TDRP: variants seen among roughly 807,000 people sequenced by gnomAD.
TDRP encodes the protein testis development related protein, also known as testis development-related protein.
A neutral mutation model predicts 10.5 loss-of-function variants in TDRP; 12 were observed. The ratio of observed to expected loss-of-function variants is 1.15; its 90% CI spans 0.73 to 1.86. TDRP has a LOEUF of 1.86. TDRP is among the 40% of genes most tolerant of loss of function. The pLI is 0.00. For synonymous variants in TDRP, 139 were observed against 95.4 expected (o/e 1.46, Z -2.67); for missense variants, 353 against 229.2 (o/e 1.54, Z -3.49).
rs1800994125 is a variant in TDRP at position 492,121 on chromosome 8, G to A, written c.*278C>T. On this transcript the variant is annotated 3_prime_UTR_variant, in exon 3 of 3. Transcript: ENST00000324079. Reference sequence around the variant, plus strand: ...TGCAAATCATTACTGCTGTATTATGGGAGAGCATCATAAATTCACATCTCC... The same window carrying A: ...TGCAAATCATTACTGCTGTATTATGAGAGAGCATCATAAATTCACATCTCC... 2 of 1,232,054 alleles carry A rather than the reference G, an allele frequency of 1.6e-6. No homozygotes were observed. The highest frequency in any genetic ancestry group is 4.0e-5 in the Admixed American group (1 of 25,288). 76.3% of individuals were successfully genotyped at this position (1,232,054 alleles called of 1,614,324 possible).
At chr8:525,434 T>C (rs564481896) in intron 1 of TDRP, among the ~76,000 whole-genome samples, 1 of 152,340 alleles carries the variant, frequency 6.6e-6, no homozygotes, top group South Asian at 2.1e-4. Flanking sequence ...TGTATTATAC[T>C]GTTAAAGTAC....
chr8:515,411 G>A (rs574192172), intron 1 of TDRP, among the ~76,000 whole-genome samples: 1 of 152,304 alleles, frequency 6.6e-6, no homozygotes, highest in Admixed American at 6.5e-5. Flanking sequence ...CTTGGAACCA[G>A]AAGTATTTCA....
At chr8:496,930 G>A (rs1801153168) in intron 1 of TDRP, among the ~76,000 whole-genome samples, 1 of 152,182 alleles carries the variant, frequency 6.6e-6, no homozygotes, top group African/African-American at 2.4e-5. Flanking sequence ...CACATAAGAT[G>A]TGCCTTGCTT....
intron 1 of TDRP, among the ~76,000 whole-genome samples, chr8:518,471 C>A (rs1801813860): frequency 1.3e-5 from 2 of 151,854 alleles, no homozygotes; most frequent in African/African-American, 4.8e-5. Flanking sequence ...TATAAAAGAA[C>A]AAAGAAAACA....
chr8:516,453 C>G (rs1000840596), intron 1 of TDRP, among the ~76,000 whole-genome samples: 3 of 152,210 alleles, frequency 2.0e-5, no homozygotes, highest in Non-Finnish European at 4.4e-5. Flanking sequence ...GAGCAAAAGA[C>G]TTTAACAGAC....
At chr8:512,218 C>T (rs1178308394) in intron 1 of TDRP, among the ~76,000 whole-genome samples, 8 of 151,598 alleles carry the variant, frequency 5.3e-5, no homozygotes, top group African/African-American at 1.5e-4. Context: ...GAGGTGGAGA[C>T]TGAGACCATC....
At chr8:516,226 G>C (rs1256401561) in intron 1 of TDRP, among the ~76,000 whole-genome samples, 1 of 152,116 alleles carries the variant, frequency 6.6e-6, no homozygotes, top group East Asian at 1.9e-4. Context: ...CTATTCCCTT[G>C]TCATAAAATC....
At chr8:521,033 G>A (rs971180447) in intron 1 of TDRP, among the ~76,000 whole-genome samples, 2 of 151,812 alleles carry the variant, frequency 1.3e-5, no homozygotes, top group African/African-American at 2.4e-5. Context: ...CTTTTCTCCC[G>A]TTTTCTTCTA....
chr8:523,579 G>T (rs527370179), intron 1 of TDRP, among the ~76,000 whole-genome samples: 1 of 152,274 alleles, frequency 6.6e-6, no homozygotes, highest in African/African-American at 2.4e-5. Flanking sequence ...TGCCCTGAAG[G>T]ATATGTCCTA....
intron 1 of TDRP, among the ~76,000 whole-genome samples, chr8:531,362 T>G (rs982579399): frequency 6.6e-6 from 1 of 152,172 alleles, no homozygotes; most frequent in African/African-American, 2.4e-5. Flanking sequence ...AGACATTTTA[T>G]GTGGAGTGGC....
At chr8:534,306 C>T (rs1408862973) in intron 1 of TDRP, among the ~76,000 whole-genome samples, 1 of 152,198 alleles carries the variant, frequency 6.6e-6, no homozygotes, top group African/African-American at 2.4e-5. Context: ...TTAGCAAATA[C>T]TAAATTATTG....
intron 2 of TDRP, among the ~76,000 whole-genome samples, chr8:493,618 A>G (rs1384049414): frequency 6.6e-6 from 1 of 152,268 alleles, no homozygotes; most frequent in Non-Finnish European, 1.5e-5. Flanking sequence ...ATCATTGGGT[A>G]GTCACTGAAC....
chr8:496,005 G>GT (rs1342209782), intron 1 of TDRP, among the ~76,000 whole-genome samples: 1 of 152,234 alleles, frequency 6.6e-6, no homozygotes, highest in African/African-American at 2.4e-5. Context: ...CTGGAGAGGC[G>GT]TTTATGAATC....
chr8:496,877 C>G (rs947397191), intron 1 of TDRP, among the ~76,000 whole-genome samples: 3 of 152,366 alleles, frequency 2.0e-5, no homozygotes, highest in East Asian at 3.9e-4. Context: ...TCTTTTCTCT[C>G]TCTCTATCCT....
chr8:499,638 G>A (rs549457846), intron 1 of TDRP, among the ~76,000 whole-genome samples: 1 of 152,352 alleles, frequency 6.6e-6, no homozygotes, highest in Admixed American at 6.5e-5. Flanking sequence ...GTGAGCGTGA[G>A]GAGTGCTGTG....
At chr8:509,830 T>C (rs1801564175) in intron 1 of TDRP, among the ~76,000 whole-genome samples, 1 of 152,206 alleles carries the variant, frequency 6.6e-6, no homozygotes. Context: ...GTTTCCAAAC[T>C]TTGACGCCTG....
At chr8:545,040 C>G (rs1802615025), upstream of TDRP, 2 of 254,970 alleles carry the variant, frequency 7.8e-6, no homozygotes, top group Non-Finnish European at 1.5e-5. Flanking sequence ...TTCCGAAGAC[C>G]AGACCCGCCC....
intron 1 of TDRP, among the ~76,000 whole-genome samples, chr8:543,060 T>C (rs1802540404): frequency 6.6e-6 from 1 of 152,098 alleles, no homozygotes; most frequent in African/African-American, 2.4e-5. Context: ...GTGATCCTAG[T>C]ACCTTGGGAG....
Position 492,449 on chromosome 8 carries a change from G to A in TDRP, c.508C>T (p.Arg170Ter), listed in dbSNP as rs760689337. ...GTCAGGTGGCCTTTACTCTGCCGTCGGATGCTCACCAGCCTCCCTGCCGCG... is the reference window on the plus strand; with the variant it reads ...GTCAGGTGGCCTTTACTCTGCCGTCAGATGCTCACCAGCCTCCCTGCCGCG... Reference protein sequence around the residue: ...LRAAGRLVSIRRQSKGHLTDS... With the variant: ...LRAAGRLVSI The change falls in exon 3 of 3, where the codon CGA becomes TGA. Residue 170 changes from arginine (R) to a stop codon, truncating the protein, a stop_gained. Coordinates refer to ENST00000324079, the MANE Select transcript of TDRP (RefSeq NM_001384899.1). LOFTEE classifies it high-confidence loss of function. The A allele has an allele frequency of 8.8e-6, 14 of 1,595,256 alleles. No individual in the cohort carries two copies. The highest frequency in any genetic ancestry group is 3.4e-5 in the Admixed American group (2 of 58,996).
Sources: gnomAD v4.1 joint callset for allele counts (sites outside exome capture counted in the v4.1 genomes callset) on GRCh38, gnomAD v4.1.1 for gene constraint, MANE v1.5 for transcripts, NCBI Gene and HGNC (gene_info 2026-07-23, HGNC 2026-07-21) for gene names.